RYR2: variants seen among roughly 807,000 people sequenced by gnomAD.
RYR2 encodes the protein ryanodine receptor 2, also known as cardiac muscle ryanodine receptor-calcium release channel.
Under a neutral mutation model 601.1 loss-of-function variants are expected in RYR2, and 227 were observed. The ratio of observed to expected loss-of-function variants is 0.38; its 90% CI spans 0.34 to 0.42. The LOEUF (loss-of-function observed/expected upper bound fraction) is 0.42, where lower values mean the gene tolerates loss of function less well. Ranked by LOEUF, RYR2 falls within the 10% of genes least tolerant of loss-of-function variation. The pLI, the probability that RYR2 is intolerant of heterozygous loss-of-function variation, is 1.00. For synonymous variants in RYR2, 2,223 were observed against 2,175.1 expected, an observed-to-expected ratio of 1.02 and a Z score of -0.61; for missense variants, 4,646 against 6,156.5, an observed-to-expected ratio of 0.75 and a Z score of 8.21.
At chr1:237,750,078 G>A (rs909478119) in intron 80 of RYR2, among the ~76,000 whole-genome samples, 12 of 152,136 alleles carry the variant, frequency 7.9e-5, no homozygotes, top group East Asian at 1.9e-4. Flanking sequence ...CCCAGGAGGC[G>A]GAGGTTGCAG....
intron 16 of RYR2, among the ~76,000 whole-genome samples, chr1:237,465,145 A>G (rs1300434927): frequency 6.6e-6 from 1 of 151,726 alleles, no homozygotes; most frequent in Non-Finnish European, 1.5e-5. Flanking sequence ...GAGGTACTCT[A>G]TTTTACTGAG....
Position 237,643,758 on chromosome 1 carries a change from G to T in RYR2, c.7342+311G>T, listed in dbSNP as rs555614866. ...CTCCCAAGTAGCTGGGACTACAGGCGCCCGTCACCATGCCCGGCTAATTTT... is the reference window on the plus strand; with the variant it reads ...CTCCCAAGTAGCTGGGACTACAGGCTCCCGTCACCATGCCCGGCTAATTTT... On this transcript the variant is annotated intron_variant, in intron 48 of 104. Coordinates refer to ENST00000366574, the MANE Select transcript of RYR2 (RefSeq NM_001035.3). 2.0e-5 allele frequency among the ~76,000 whole-genome samples: 3 copies of T among 151,234 alleles called. No homozygotes were observed. In the East Asian group the frequency reaches 5.9e-4, roughly 30 times the overall value.
chr1:237,793,845 C>CT, intron 94 of RYR2, 22 bp from the exon 95 acceptor site: 6 of 1,564,090 alleles, frequency 3.8e-6, no homozygotes, highest in Non-Finnish European at 4.4e-6. Context: ...CTAATTTTAA[C>CT]GTATTTATTT....
chr1:237,572,355 G>A (rs1020376289), intron 29 of RYR2, among the ~76,000 whole-genome samples: 5 of 152,144 alleles, frequency 3.3e-5, no homozygotes, highest in African/African-American at 1.2e-4. Context: ...AGTTCTGTTT[G>A]TATGGTACGT....
chr1:237,680,246 A>G (rs1486012055), intron 61 of RYR2, among the ~76,000 whole-genome samples: 2 of 152,126 alleles, frequency 1.3e-5, no homozygotes, highest in African/African-American at 4.8e-5. Context: ...AACTGTTGCA[A>G]GTTTGCTCTG....
At chr1:237,318,360 T>C (rs1695308637) in intron 2 of RYR2, among the ~76,000 whole-genome samples, 1 of 152,176 alleles carries the variant, frequency 6.6e-6, no homozygotes, top group Non-Finnish European at 1.5e-5. Context: ...TGTTTCTTTA[T>C]ACATTCTTAT....
intron 10 of RYR2, among the ~76,000 whole-genome samples, chr1:237,403,608 T>G (rs972944233): frequency 6.6e-6 from 1 of 152,156 alleles, no homozygotes; most frequent in Non-Finnish European, 1.5e-5. Context: ...AAATTTTTTG[T>G]AAAGACAGTA....
At position 237,063,839 on chromosome 1, in the gene RYR2, C is replaced by T. The variant is rs139908835; in HGVS notation, c.48+21270C>T. ...TTTGTTTAAAAACATCTGTGTTTCT[C>T]CTTGTTTGCGTATGGAATTGGCAGT... On this transcript the variant is annotated intron_variant, in intron 1 of 104. Transcript: ENST00000366574. Among the ~76,000 whole-genome samples, 729 of 152,254 alleles carry T rather than the reference C, an allele frequency of 4.8e-3. 5 individuals are homozygous for T. The highest frequency in any genetic ancestry group is 0.014 in the Middle Eastern group (4 of 294).
chr1:237,445,346 T>G, intron 13 of RYR2, 55 bp from the exon 14 acceptor site: 2 of 1,607,284 alleles, frequency 1.2e-6, no homozygotes, highest in Non-Finnish European at 1.7e-6. Flanking sequence ...TCTCCCTAAC[T>G]CTAGTTTGGA....
intron 1 of RYR2, among the ~76,000 whole-genome samples, chr1:237,070,030 A>AT (rs1664113778): frequency 1.5e-5 from 1 of 68,700 alleles, no homozygotes; most frequent in Non-Finnish European, 3.0e-5. Flanking sequence ...TGGTGTTTTA[A>AT]CTTTTTTTTT....
intron 3 of RYR2, chr1:237,352,799 A>G (rs1309500406): frequency 2.0e-6 from 1 of 490,318 alleles, no homozygotes; most frequent in Non-Finnish European, 4.1e-6. Context: ...TGCATTAGTA[A>G]GTGACAATGC....
At chr1:237,649,177 T>C (rs1682467667) in intron 49 of RYR2, among the ~76,000 whole-genome samples, 1 of 152,204 alleles carries the variant, frequency 6.6e-6, no homozygotes. Context: ...TTCTAAATGT[T>C]ATTGTAGTAG....
chr1:237,096,047 G>A (rs1667472844), intron 1 of RYR2, among the ~76,000 whole-genome samples: 1 of 152,138 alleles, frequency 6.6e-6, no homozygotes, highest in Non-Finnish European at 1.5e-5. Flanking sequence ...AGACTATCAC[G>A]GGAAAATGAT....
chr1:237,381,251 C>CAAAAAAAAAA (rs60493059), intron 8 of RYR2, among the ~76,000 whole-genome samples: 1 of 45,772 alleles, frequency 2.2e-5, no homozygotes, highest in Admixed American at 3.0e-4. Flanking sequence ...GACTCCGTCT[C>CAAAAAAAAAA]AAAAAAAAAA....
intron 79 of RYR2, among the ~76,000 whole-genome samples, chr1:237,739,946 C>G (rs1691471275): frequency 2.6e-5 from 4 of 152,158 alleles, no homozygotes; most frequent in Admixed American, 2.6e-4. Context: ...CTGACATATC[C>G]TCCATTTTAT....
At chr1:237,280,966 G>T (rs746048043) in intron 2 of RYR2, among the ~76,000 whole-genome samples, 71 of 152,048 alleles carry the variant, frequency 4.7e-4, no homozygotes, top group Non-Finnish European at 9.6e-4. Context: ...TGTATTTTTA[G>T]TAGAAATGGG....
At chr1:237,299,723 C>T (rs1417136393) in intron 2 of RYR2, among the ~76,000 whole-genome samples, 1 of 152,110 alleles carries the variant, frequency 6.6e-6, no homozygotes, top group Non-Finnish European at 1.5e-5. Flanking sequence ...TGTTTAATAT[C>T]CTCCTAGGGG....
intron 1 of RYR2, among the ~76,000 whole-genome samples, chr1:237,082,776 A>G (rs956701523): frequency 1.3e-5 from 2 of 151,902 alleles, no homozygotes; most frequent in African/African-American, 2.4e-5. Flanking sequence ...TGAGCAATTT[A>G]ATAGGGAAAG....
intron 1 of RYR2, among the ~76,000 whole-genome samples, chr1:237,255,612 A>G (rs1687877360): frequency 6.6e-6 from 1 of 152,158 alleles, no homozygotes; most frequent in South Asian, 2.1e-4. Context: ...ATTAGATGAC[A>G]TTCATGAGGG....
Sources: allele counts gnomAD v4.1 joint callset (sites outside exome capture counted in the v4.1 genomes callset), GRCh38; gene constraint gnomAD v4.1.1; transcripts MANE v1.5; gene names NCBI Gene and HGNC (gene_info 2026-07-23, HGNC 2026-07-21).